The following TNIP3 variants were observed in gnomAD, a reference collection of about 807,000 sequenced individuals.
TNIP3 encodes the protein TNFAIP3 interacting protein 3.
A neutral mutation model predicts 54.1 loss-of-function variants in TNIP3; 34 were observed. The ratio of observed to expected loss-of-function variants is 0.63; its 90% CI spans 0.48 to 0.84. The LOEUF (loss-of-function observed/expected upper bound fraction) is 0.84, where lower values mean the gene tolerates loss of function less well. TNIP3 is among the 40% of genes least tolerant of loss of function. The pLI, the probability that TNIP3 is intolerant of heterozygous loss-of-function variation, is 0.00. For missense variants in TNIP3, 366 were observed against 387.6 expected (o/e 0.94, Z 0.47); for synonymous variants, 134 against 136.8 (o/e 0.98, Z 0.14).
upstream of TNIP3, among the ~76,000 whole-genome samples, chr4:121,165,340 C>A (rs1198175899): frequency 3.3e-5 from 5 of 152,026 alleles, no homozygotes; most frequent in African/African-American, 4.8e-5. Flanking sequence ...GTTCTACGCC[C>A]CTGAGCTCTG....
intron 9 of TNIP3, among the ~76,000 whole-genome samples, chr4:121,140,111 G>A (rs529224589): frequency 6.2e-4 from 95 of 152,134 alleles, no homozygotes; most frequent in African/African-American, 2.1e-3. Context: ...CAAGGTGGGC[G>A]GATCATGAGG....
At chr4:121,204,465 G>A (rs529865674) in intron 2 of TNIP3, among the ~76,000 whole-genome samples, 3 of 152,182 alleles carry the variant, frequency 2.0e-5, no homozygotes, top group East Asian at 1.9e-4. Flanking sequence ...CAAACGGTGC[G>A]CTGACCACCT....
At chr4:121,216,532 T>A in intron 1 of TNIP3, 1 of 1,534,884 alleles carries the variant, frequency 6.5e-7, no homozygotes, top group South Asian at 1.2e-5. Flanking sequence ...GACATGAGGC[T>A]CAGATGTACG....
At chr4:121,197,149 G>A (rs2148836962) in intron 2 of TNIP3, among the ~76,000 whole-genome samples, 1 of 152,202 alleles carries the variant, frequency 6.6e-6, no homozygotes, top group East Asian at 1.9e-4. Context: ...ATTACAAGCA[G>A]ATGGCTGCTA....
chr4:121,204,014 C>G (rs921838476), intron 2 of TNIP3, among the ~76,000 whole-genome samples: 1 of 150,124 alleles, frequency 6.7e-6, no homozygotes, highest in African/African-American at 2.4e-5. Flanking sequence ...ATATATAACT[C>G]TGCTATTTGG....
chr4:121,192,489 A>G (rs1725353955), intron 2 of TNIP3, among the ~76,000 whole-genome samples: 1 of 152,146 alleles, frequency 6.6e-6, no homozygotes, highest in African/African-American at 2.4e-5. Context: ...AATCATGATC[A>G]GTTGTTATTA....
chr4:121,155,126 C>T (rs1320139204), intron 4 of TNIP3, among the ~76,000 whole-genome samples: 4 of 151,978 alleles, frequency 2.6e-5, no homozygotes, highest in African/African-American at 9.7e-5. Flanking sequence ...CCACGCCCGG[C>T]TAATTTTTTA....
chr4:121,161,118 C>T lies in TNIP3; in HGVS notation c.147+18G>A, dbSNP rs1018458384. The T allele has an allele frequency of 5.8e-6, 9 of 1,547,546 alleles. No homozygotes were observed. The highest frequency in any genetic ancestry group is 4.1e-5 in the African/African-American group (3 of 73,142). On this transcript the variant is annotated intron_variant, in intron 2 of 10. Transcript: ENST00000057513. ...TAATCCATGGCACCTGTGGCTTTAG[C>T]GAATATTTCTAAGTTACCTCTTTTC...
intron 1 of TNIP3, among the ~76,000 whole-genome samples, chr4:121,221,922 G>T (rs1342064862): frequency 6.6e-6 from 1 of 152,090 alleles, no homozygotes; most frequent in Non-Finnish European, 1.5e-5. Context: ...TCTTCTTCAT[G>T]CAAAACTGAC....
chr4:121,176,547 GA>G (rs1724360207), intron 3 of TNIP3, among the ~76,000 whole-genome samples: 1 of 151,758 alleles, frequency 6.6e-6, no homozygotes, highest in African/African-American at 2.4e-5. Context: ...TGATGATGAT[GA>G]TGATGATAGT....
chr4:121,209,479 G>A (rs1175067380), intron 2 of TNIP3, among the ~76,000 whole-genome samples: 2 of 152,132 alleles, frequency 1.3e-5, no homozygotes, highest in East Asian at 3.9e-4. Context: ...ATGGAGAGTT[G>A]TGGGAAAAAA....
At chr4:121,180,480 A>G (rs543572925) in intron 3 of TNIP3, among the ~76,000 whole-genome samples, 1 of 152,372 alleles carries the variant, frequency 6.6e-6, no homozygotes, top group South Asian at 2.1e-4. Context: ...ATGCAAATAA[A>G]AAGACAAGTG....
intron 2 of TNIP3, among the ~76,000 whole-genome samples, chr4:121,189,445 G>A (rs1053404130): frequency 6.6e-6 from 1 of 152,194 alleles, no homozygotes; most frequent in Non-Finnish European, 1.5e-5. Context: ...TGTAAAAGAT[G>A]CTAATCAAGC....
intron 5 of TNIP3, among the ~76,000 whole-genome samples, chr4:121,150,695 C>G (rs1334744425): frequency 6.6e-6 from 1 of 152,178 alleles, no homozygotes; most frequent in Non-Finnish European, 1.5e-5. Flanking sequence ...GCTGGTGCTG[C>G]TGGTCCCAGG....
In TNIP3 at chr4:121,153,722, AC is replaced by A. The variant is rs1469101765; in HGVS notation, c.492+828del. Among the ~76,000 whole-genome samples, 12 of 152,256 alleles carry A rather than the reference AC, an allele frequency of 7.9e-5. No homozygotes were observed. In the East Asian group the frequency reaches 2.3e-3, roughly 29 times the overall value. On this transcript the variant is annotated intron_variant, in intron 5 of 10. Coordinates refer to ENST00000057513, the MANE Select transcript of TNIP3 (RefSeq NM_024873.6). ...GGATCTTTAAATAACATCTCTGAAC[AC>A]CAGTTAACTACAATCATGGGCATGT... is the stretch of plus-strand genomic sequence containing the variant.
chr4:121,220,493 T>G (rs1452498), upstream of TNIP3, among the ~76,000 whole-genome samples: 113,581 of 152,052 alleles, frequency 0.75, 43,717 homozygotes, highest in South Asian at 0.91. Flanking sequence ...AACTACTTTT[T>G]TTTTGTATTT....
chr4:121,213,726 C>CAA (rs34477589), intron 2 of TNIP3, among the ~76,000 whole-genome samples: 44 of 91,482 alleles, frequency 4.8e-4, no homozygotes, highest in Admixed American at 6.2e-4. Flanking sequence ...GACTCCGTCT[C>CAA]AAAAAAAAAA....
upstream of TNIP3, among the ~76,000 whole-genome samples, chr4:121,218,013 C>T (rs778329101): frequency 2.8e-4 from 42 of 152,052 alleles, no homozygotes; most frequent in Non-Finnish European, 5.0e-4. Context: ...GGATTAAACA[C>T]CAAACCATCT....
chr4:121,194,204 T>C (rs1009729792), intron 2 of TNIP3, among the ~76,000 whole-genome samples: 1 of 152,120 alleles, frequency 6.6e-6, no homozygotes, highest in African/African-American at 2.4e-5. Flanking sequence ...CTTTTTAAAA[T>C]TTTTTTCTTT....
Sources: gnomAD v4.1 joint callset for allele counts (sites outside exome capture counted in the v4.1 genomes callset) on GRCh38, gnomAD v4.1.1 for gene constraint, MANE v1.5 for transcripts, NCBI Gene and HGNC (gene_info 2026-07-23, HGNC 2026-07-21) for gene names.